The following RARB variants were observed in gnomAD, a reference collection of about 807,000 sequenced individuals.
RARB encodes the protein HBV-activated protein.
RARB carries 17 observed loss-of-function variants against 51.9 expected under a neutral mutation model. That is an observed-to-expected ratio of 0.33 (90% CI 0.22 to 0.49). RARB has a LOEUF of 0.49. Ranked by LOEUF, RARB falls within the 20% of genes least tolerant of loss-of-function variation. The pLI is 0.99. For synonymous variants in RARB, 215 were observed against 195.4 expected (o/e 1.10, Z -0.84); for missense variants, 369 against 550.8 (o/e 0.67, Z 3.30).
intron 5 of RARB, among the ~76,000 whole-genome samples, chr3:25,206,196 C>T (rs1175557729): frequency 6.6e-6 from 1 of 152,176 alleles, no homozygotes; most frequent in Admixed American, 6.5e-5. Flanking sequence ...AATAATATTT[C>T]ATCTCAAGTG....
intron 4 of RARB, among the ~76,000 whole-genome samples, chr3:25,155,633 G>A (rs1700361435): frequency 6.6e-6 from 1 of 152,176 alleles, no homozygotes; most frequent in African/African-American, 2.4e-5. Flanking sequence ...GAATGTTTTG[G>A]CTGGGACCCA....
chr3:25,524,287 G>A (rs533291555), intron 3 of RARB, among the ~76,000 whole-genome samples: 2 of 152,242 alleles, frequency 1.3e-5, no homozygotes, highest in East Asian at 1.9e-4. Context: ...TTGTTACCAC[G>A]GCACCCAGCA....
At chr3:25,438,039 T>C (rs1331598069) in intron 1 of RARB, among the ~76,000 whole-genome samples, 1 of 152,256 alleles carries the variant, frequency 6.6e-6, no homozygotes, top group Non-Finnish European at 1.5e-5. Context: ...CTGCTCCGCA[T>C]GCTGTCAGCT....
chr3:25,460,113 T>C (rs1695101382), intron 1 of RARB, among the ~76,000 whole-genome samples: 1 of 152,216 alleles, frequency 6.6e-6, no homozygotes, highest in Non-Finnish European at 1.5e-5. Flanking sequence ...ATCGCACCAC[T>C]CTGTGTCATC....
chr3:25,548,641 A>C (rs1420531717), intron 3 of RARB, among the ~76,000 whole-genome samples: 2 of 127,712 alleles, frequency 1.6e-5, no homozygotes. Flanking sequence ...ACCTCCCCCG[A>C]CAAAAAAAAA....
In RARB at chr3:25,084,290, T is replaced by C. The variant is rs529286206; in HGVS notation, c.-328+24114T>C. ...AAACAACTCTCTCATGTGTTTCCCT[T>C]TCCTCAAGGATTAAAACAGTTGCTG... On this transcript the variant is annotated intron_variant, in intron 3 of 11. Coordinates refer to the RARB transcript ENST00000383772. Among the ~76,000 whole-genome samples, 4 of 152,332 alleles carry C rather than the reference T, an allele frequency of 2.6e-5. No individual in the cohort carries two copies. The East Asian group carries it at 7.7e-4, about 29-fold the overall frequency.
intron 2 of RARB, among the ~76,000 whole-genome samples, chr3:24,887,233 G>A (rs546768341): frequency 5.3e-5 from 8 of 152,292 alleles, no homozygotes; most frequent in South Asian, 2.1e-4. Flanking sequence ...CTTTCAAGGC[G>A]GCGGGGTGGA....
intron 2 of RARB, among the ~76,000 whole-genome samples, chr3:25,042,012 C>T (rs1698124858): frequency 6.6e-6 from 1 of 152,088 alleles, no homozygotes; most frequent in Non-Finnish European, 1.5e-5. Flanking sequence ...AGAAGGTCCC[C>T]TGGCCCCAGG....
At chr3:24,917,334 A>C in intron 2 of RARB, among the ~76,000 whole-genome samples, 1 of 152,226 alleles carries the variant, frequency 6.6e-6, no homozygotes, top group East Asian at 1.9e-4. Flanking sequence ...TAAACTTAAA[A>C]AATGTATGTT....
At chr3:25,471,579 T>G (rs563593685) in intron 2 of RARB, among the ~76,000 whole-genome samples, 5 of 148,980 alleles carry the variant, frequency 3.4e-5, no homozygotes, top group African/African-American at 4.9e-5. Context: ...GAATTCTGAA[T>G]TAGCCCGCAA....
intron 5 of RARB, among the ~76,000 whole-genome samples, chr3:25,188,577 C>T (rs1252116374): frequency 6.6e-6 from 1 of 152,080 alleles, no homozygotes; most frequent in African/African-American, 2.4e-5. Flanking sequence ...AAAAGTTATT[C>T]TGTCAGCTTC....
chr3:25,497,161 A>G (rs1697081035), intron 2 of RARB, among the ~76,000 whole-genome samples: 1 of 152,210 alleles, frequency 6.6e-6, no homozygotes, highest in Non-Finnish European at 1.5e-5. Flanking sequence ...CTGGGATTAC[A>G]GGGGTGAGCC....
intron 5 of RARB, among the ~76,000 whole-genome samples, chr3:25,275,012 T>C (rs1703347963): frequency 6.6e-6 from 1 of 152,198 alleles, no homozygotes; most frequent in African/African-American, 2.4e-5. Context: ...CAGCATTTGC[T>C]TGGAAGCTCA....
Position 25,593,517 on chromosome 3 carries a change from C to T in RARB, c.801C>T (p.Cys267=), listed in dbSNP as rs1215116297. Residue 267 remains cysteine (C), a synonymous_variant, in exon 6 of 8, where the codon TGC becomes TGT. Transcript: ENST00000330688. Reference sequence around the variant, plus strand: ...TTTCCTTCCAGATTCTTAGAATTTGCACCAGGTATACCCCAGAACAAGACA... The same window carrying T: ...TTTCCTTCCAGATTCTTAGAATTTGTACCAGGTATACCCCAGAACAAGACA... ...ACLDILILRI[C]TRYTPEQDTM... 1 of 1,613,556 alleles carries T rather than the reference C, an allele frequency of 6.2e-7. No homozygotes were observed. The highest frequency in any genetic ancestry group is 1.3e-5 in the African/African-American group (1 of 74,832).
At chr3:25,172,166 A>G (rs1458710733) in intron 4 of RARB, among the ~76,000 whole-genome samples, 1 of 152,210 alleles carries the variant, frequency 6.6e-6, no homozygotes, top group Non-Finnish European at 1.5e-5. Flanking sequence ...TTAATAGGCC[A>G]GGGATTCAAG....
At chr3:25,182,728 T>G (rs1168667812) in intron 5 of RARB, among the ~76,000 whole-genome samples, 1 of 152,126 alleles carries the variant, frequency 6.6e-6, no homozygotes, top group African/African-American at 2.4e-5. Flanking sequence ...ATTGTAAAAT[T>G]ATTATGGATT....
At chr3:24,929,439 C>A (rs1018184522) in intron 2 of RARB, among the ~76,000 whole-genome samples, 2 of 152,046 alleles carry the variant, frequency 1.3e-5, no homozygotes, top group Non-Finnish European at 2.9e-5. Context: ...GAAAAATGTT[C>A]TGAGCTGTAG....
At chr3:24,898,033 A>G (rs1266879469) in intron 2 of RARB, among the ~76,000 whole-genome samples, 1 of 152,140 alleles carries the variant, frequency 6.6e-6, no homozygotes, top group Admixed American at 6.5e-5. Context: ...AAGACTTTAG[A>G]CCTCATGGTT....
chr3:25,354,777 C>T (rs573436476), intron 5 of RARB, among the ~76,000 whole-genome samples: 1 of 129,440 alleles, frequency 7.7e-6, no homozygotes, highest in East Asian at 2.3e-4. Context: ...AAGCAGCCTG[C>T]GCTTTGCTGC....
Sources: allele counts gnomAD v4.1 joint callset (sites outside exome capture counted in the v4.1 genomes callset), GRCh38; gene constraint gnomAD v4.1.1; transcripts MANE v1.5; gene names NCBI Gene and HGNC (gene_info 2026-07-23, HGNC 2026-07-21).